MSH4: variants seen among roughly 807,000 people sequenced by gnomAD.
MSH4 encodes mutS protein homolog 4.
MSH4 carries 106 observed loss-of-function variants against 113.7 expected under a neutral mutation model. That is an observed-to-expected ratio of 0.93 (90% confidence interval 0.80 to 1.10). MSH4 has a LOEUF of 1.10. Ranked by LOEUF, MSH4 falls within the 50% of genes least tolerant of loss-of-function variation. The probability of loss-of-function intolerance (pLI) is 0.00; values close to 1 mark genes in which losing one functional copy is unlikely to be tolerated. For synonymous variants in MSH4, 368 were observed against 380.2 expected (o/e 0.97, Z 0.37); for missense variants, 1,061 against 1,093.7 (o/e 0.97, Z 0.42).
At position 75,822,404 on chromosome 1, in the gene MSH4, GA is replaced by G; in HGVS notation, c.990-2del. 6.6e-7 allele frequency: 1 copy of G among 1,525,794 alleles called. No individual in the cohort carries two copies. Among genetic ancestry groups the G allele is most frequent in the Non-Finnish European group, 8.7e-7 (1 of 1,143,758 alleles). 94.5% of individuals were successfully genotyped at this position (1,525,794 alleles called of 1,614,324 possible). The stretch of plus-strand genomic sequence containing the variant: ...TTCTTACTGACATTTCTTGTGTTTT[GA>G]AAGGAATAATCACACTCTCTTTGGT... On this transcript the variant is annotated splice_region_variant and splice_polypyrimidine_tract_variant and intron_variant, in intron 6 of 19. Coordinates refer to ENST00000263187, the MANE Select transcript of MSH4 (RefSeq NM_002440.4).
In MSH4 at chr1:75,803,806, C is replaced by G; in HGVS notation, c.320C>G (p.Ser107Cys). Residue 107 changes from serine to cysteine, a missense_variant, in exon 2 of 20, where the codon TCT becomes TGT. By Grantham distance (112) the Ser-to-Cys change is moderately radical. Coordinates refer to ENST00000263187, the MANE Select transcript of MSH4 (RefSeq NM_002440.4). ...AATTTTACTTTTGGTGCAAGCTCAT[C>G]TTCTGCACGAGATACTAATTATCCT... The part of the protein sequence containing the change: ...ASNFTFGASS[S>C]SARDTNYPQT... The G allele has an allele frequency of 6.2e-7, 1 of 1,608,324 alleles. No homozygotes were observed.
chr1:75,907,547 T>C (rs1652686206), intron 19 of MSH4, among the ~76,000 whole-genome samples: 1 of 151,748 alleles, frequency 6.6e-6, no homozygotes, highest in Admixed American at 6.6e-5. Flanking sequence ...AACATATTTC[T>C]CTAGGTTTAG....
chr1:75,829,010 G>C (rs1650621042), intron 7 of MSH4, among the ~76,000 whole-genome samples: 1 of 152,142 alleles, frequency 6.6e-6, no homozygotes, highest in Non-Finnish European at 1.5e-5. Context: ...GGAAGCACAA[G>C]GGTTCAGAGA....
intron 8 of MSH4, among the ~76,000 whole-genome samples, chr1:75,863,401 C>A (rs138809695): frequency 6.6e-6 from 1 of 152,054 alleles, no homozygotes; most frequent in African/African-American, 2.4e-5. Flanking sequence ...AGGCACAAGA[C>A]GCTTGGGTCA....
At chr1:75,829,369 G>A (rs1283895673) in intron 7 of MSH4, among the ~76,000 whole-genome samples, 3 of 152,220 alleles carry the variant, frequency 2.0e-5, no homozygotes, top group Non-Finnish European at 2.9e-5. Context: ...GCAGGGCATA[G>A]CTGAACAAAA....
chr1:75,887,268 A>G (rs1426437441), intron 15 of MSH4, among the ~76,000 whole-genome samples: 1 of 151,884 alleles, frequency 6.6e-6, no homozygotes, highest in East Asian at 1.9e-4. Context: ...GGCAGTTCCC[A>G]CCTTGCTCTC....
intron 6 of MSH4, among the ~76,000 whole-genome samples, chr1:75,821,535 A>G (rs979229054): frequency 1.3e-5 from 2 of 152,240 alleles, no homozygotes; most frequent in Non-Finnish European, 2.9e-5. Flanking sequence ...AGCTAGCGGA[A>G]TGCAAAAAAT....
intron 19 of MSH4, among the ~76,000 whole-genome samples, chr1:75,900,260 T>C (rs1200676235): frequency 6.6e-6 from 1 of 152,012 alleles, no homozygotes; most frequent in African/African-American, 2.4e-5. Context: ...TTGGAAAATT[T>C]TGGTTGCTTT....
At chr1:75,885,059 G>GTGTGTATATA (rs1300289205) in intron 15 of MSH4, among the ~76,000 whole-genome samples, 3 of 112,556 alleles carry the variant, frequency 2.7e-5, no homozygotes, top group African/African-American at 8.1e-5. Context: ...GTGTGTGTGT[G>GTGTGTATATA]TATATATATA....
At chr1:75,906,407 A>G (rs1571002404) in intron 19 of MSH4, among the ~76,000 whole-genome samples, 2 of 101,042 alleles carry the variant, frequency 2.0e-5, no homozygotes, top group Middle Eastern at 4.5e-3. Flanking sequence ...TTCTGGTAGT[A>G]TGTTTTAATT....
chr1:75,827,840 C>T (rs1325640811), intron 7 of MSH4, among the ~76,000 whole-genome samples: 1 of 152,140 alleles, frequency 6.6e-6, no homozygotes, highest in African/African-American at 2.4e-5. Context: ...AATACAGGAG[C>T]ACCCAGATTC....
chr1:75,909,179 C>T (rs1403078907), intron 19 of MSH4, among the ~76,000 whole-genome samples: 1 of 152,186 alleles, frequency 6.6e-6, no homozygotes, highest in Non-Finnish European at 1.5e-5. Flanking sequence ...TGGCTATCCA[C>T]CTCAATCTCA....
At chr1:75,825,008 A>G (rs1048027843) in intron 7 of MSH4, among the ~76,000 whole-genome samples, 1 of 151,234 alleles carries the variant, frequency 6.6e-6, no homozygotes, top group Non-Finnish European at 1.5e-5. Flanking sequence ...AAGAAAGTCA[A>G]TGGTAGCTAA....
chr1:75,897,204 C>T (rs1487125416), intron 17 of MSH4, among the ~76,000 whole-genome samples: 2 of 152,094 alleles, frequency 1.3e-5, no homozygotes, highest in Admixed American at 6.6e-5. Flanking sequence ...TCAAAATCAC[C>T]TAAAGTACTT....
chr1:75,836,296 CTTTTTCTT>C (rs1362488947), intron 7 of MSH4, among the ~76,000 whole-genome samples: 2 of 35,484 alleles, frequency 5.6e-5, no homozygotes, highest in African/African-American at 7.0e-5. Flanking sequence ...CTTTTTCTTT[CTTTTTCTT>C]TTTTTTTTTT....
intron 15 of MSH4, among the ~76,000 whole-genome samples, chr1:75,888,462 C>CT (rs997264434): frequency 2.0e-5 from 3 of 151,648 alleles, no homozygotes; most frequent in African/African-American, 2.4e-5. Flanking sequence ...GAAAATTCAC[C>CT]TTTTTTTTCT....
intron 2 of MSH4, among the ~76,000 whole-genome samples, chr1:75,805,548 C>G (rs1420549401): frequency 1.8e-5 from 1 of 56,714 alleles, no homozygotes; most frequent in East Asian, 3.6e-4. Flanking sequence ...TCACCATGCT[C>G]AGCCAATTTT....
In MSH4 at chr1:75,913,131, A is replaced by G. The variant is rs1652824837; in HGVS notation, c.*244A>G. 4.8e-6 allele frequency: 1 copy of G among 206,330 alleles called. No individual in the cohort carries two copies. The highest frequency in any genetic ancestry group is 5.9e-5 in the Admixed American group (1 of 16,994). The allele number at this position is 206,330 out of a possible 1,614,324, so 12.8% of individuals were successfully genotyped here. A position where few individuals can be genotyped will look rare whatever the true frequency, so the allele number is the denominator to read the frequency against. Reference sequence around the variant, plus strand: ...AAATACAATACACCACTTTTTTCTCACAAAAATTCACATTATTAAGACCTA... The same window carrying G: ...AAATACAATACACCACTTTTTTCTCGCAAAAATTCACATTATTAAGACCTA... On this transcript the variant is annotated 3_prime_UTR_variant, in exon 20 of 20. Transcript: ENST00000263187.
intron 7 of MSH4, among the ~76,000 whole-genome samples, chr1:75,823,397 A>G (rs1650474244): frequency 6.6e-6 from 1 of 152,194 alleles, no homozygotes; most frequent in African/African-American, 2.4e-5. Flanking sequence ...CCCTTGCCTC[A>G]GGGTCTGTTT....
Sources: gnomAD v4.1 joint callset for allele counts (sites outside exome capture counted in the v4.1 genomes callset) on GRCh38, gnomAD v4.1.1 for gene constraint, MANE v1.5 for transcripts, NCBI Gene and HGNC (gene_info 2026-07-23, HGNC 2026-07-21) for gene names.